ZSCAN25: variants seen among roughly 807,000 people sequenced by gnomAD.
ZSCAN25 encodes the protein zinc finger and SCAN domain-containing protein 25.
Under a neutral mutation model 38.7 loss-of-function variants are expected in ZSCAN25, and 27 were observed. The observed-to-expected ratio is 0.70, with a 90% CI of 0.51 to 0.96. The LOEUF is 0.96. ZSCAN25 is among the 40% of genes least tolerant of loss of function. The pLI is 0.00. For synonymous variants in ZSCAN25, 273 were observed against 277.7 expected, an observed-to-expected ratio of 0.98 and a Z score of 0.17; for missense variants, 637 against 705.9, an observed-to-expected ratio of 0.90 and a Z score of 1.11.
the ZSCAN25 span, among the ~76,000 whole-genome samples, chr7:99,672,335 C>T: frequency 6.6e-6 from 1 of 152,086 alleles, no homozygotes; most frequent in African/African-American, 2.4e-5. Flanking sequence ...CAGGCATGAG[C>T]CATTATGCCC....
chr7:99,626,923 C>G (rs914767668), intron 7 of ZSCAN25, among the ~76,000 whole-genome samples: 2 of 152,178 alleles, frequency 1.3e-5, no homozygotes, highest in Admixed American at 6.5e-5. Context: ...CTGCTAGGTC[C>G]CTTCTCTTCC....
At position 99,630,573 on chromosome 7, in the gene ZSCAN25, A is replaced by G. The variant is rs1807920375; in HGVS notation, c.*553A>G. On this transcript the variant is annotated 3_prime_UTR_variant, in exon 8 of 8. Coordinates refer to ENST00000394152, the MANE Select transcript of ZSCAN25 (RefSeq NM_145115.3). ...ACAGCCCATGACCCGAGGCATTCTC[A>G]GGGTATCTGTGCTGTGTGCCCGTGA... 2.0e-6 allele frequency: 2 copies of G among 987,912 alleles called. No individual in the cohort carries two copies. Among genetic ancestry groups the G allele is most frequent in the Non-Finnish European group, 2.4e-6 (2 of 831,744 alleles). 61.2% of individuals were successfully genotyped at this position (987,912 alleles called of 1,614,324 possible). A position where few individuals can be genotyped will look rare whatever the true frequency, so the allele number is the denominator to read the frequency against.
chr7:99,623,966 G>A, intron 6 of ZSCAN25, 91 bp from the exon 7 acceptor site: 3 of 1,569,948 alleles, frequency 1.9e-6, no homozygotes, highest in South Asian at 1.1e-5. Flanking sequence ...TTGGGAGGAA[G>A]CTGGTTGGGA....
At chr7:99,693,395 G>A in the ZSCAN25 span, among the ~76,000 whole-genome samples, 3 of 152,184 alleles carry the variant, frequency 2.0e-5, no homozygotes, top group African/African-American at 4.8e-5. Flanking sequence ...CTCAGAGCTC[G>A]AATACCGTGC....
chr7:99,699,467 A>C, the ZSCAN25 span, among the ~76,000 whole-genome samples: 2 of 151,744 alleles, frequency 1.3e-5, no homozygotes, highest in East Asian at 3.9e-4. Flanking sequence ...GGTGGAAGTT[A>C]GGGGAGCAGG....
the ZSCAN25 span, chr7:99,707,769 A>T: frequency 2.1e-4 from 338 of 1,612,028 alleles, no homozygotes; most frequent in Non-Finnish European, 2.8e-4. Flanking sequence ...TTCAGTTAAA[A>T]TAATTGTTAA....
the ZSCAN25 span, chr7:99,674,316 C>T: frequency 2.4e-6 from 1 of 417,640 alleles, no homozygotes; most frequent in Non-Finnish European, 4.3e-6. Flanking sequence ...TCTTGTTTAC[C>T]TCCCTGAATT....
chr7:99,731,511 T>C, the ZSCAN25 span, among the ~76,000 whole-genome samples: 1 of 152,214 alleles, frequency 6.6e-6, no homozygotes, highest in African/African-American at 2.4e-5. Flanking sequence ...GACTCTTCCC[T>C]GATTTTGGGA....
downstream of ZSCAN25, among the ~76,000 whole-genome samples, chr7:99,637,219 A>C (rs151074562): frequency 5.6e-3 from 849 of 152,304 alleles, 7 homozygotes; most frequent in African/African-American, 0.02. Flanking sequence ...TACATGCTTT[A>C]TTAATGAACA....
chr7:99,648,415 C>T, the ZSCAN25 span: 2 of 1,529,716 alleles, frequency 1.3e-6, no homozygotes, highest in Non-Finnish European at 1.8e-6. Flanking sequence ...AATAGTTAAA[C>T]AAGCATATGG....
chr7:99,726,350 A>G, the ZSCAN25 span, among the ~76,000 whole-genome samples: 2 of 152,110 alleles, frequency 1.3e-5, no homozygotes, highest in Admixed American at 6.5e-5. Context: ...TCTCCTTATA[A>G]TTCCCCCATC....
At chr7:99,685,363 A>G in the ZSCAN25 span, 2 of 1,241,802 alleles carry the variant, frequency 1.6e-6, no homozygotes, top group Non-Finnish European at 2.3e-6. Flanking sequence ...AACTATGTGG[A>G]AATTCAGGGA....
the ZSCAN25 span, among the ~76,000 whole-genome samples, chr7:99,653,097 C>T: frequency 2.0e-5 from 3 of 152,222 alleles, no homozygotes; most frequent in South Asian, 6.2e-4. This position sits in a 1 kb window ranked among gnomAD's most constrained non-coding sequence, Gnocchi z 4.2. Flanking sequence ...TGACCATTAC[C>T]ACCAAATAAA....
At chr7:99,710,308 C>T in the ZSCAN25 span, among the ~76,000 whole-genome samples, 10 of 152,288 alleles carry the variant, frequency 6.6e-5, no homozygotes, top group Admixed American at 6.5e-4. Context: ...CTGACTGAAA[C>T]ATGAGACACA....
At chr7:99,650,998 A>C in the ZSCAN25 span, among the ~76,000 whole-genome samples, 2 of 152,244 alleles carry the variant, frequency 1.3e-5, no homozygotes, top group Non-Finnish European at 2.9e-5. Context: ...GTTGATTCAA[A>C]GAAAGTAATA....
chr7:99,629,439 G>C lies in ZSCAN25; in HGVS notation c.1054G>C (p.Glu352Gln). 6.2e-7 allele frequency: 1 copy of C among 1,614,228 alleles called. No individual in the cohort carries two copies. The highest frequency in any genetic ancestry group is 1.6e-4 in the Middle Eastern group (1 of 6,062). The change falls in exon 8 of 8, where the codon GAG becomes CAG. Residue 352 changes from glutamate to glutamine, a missense_variant. Physicochemically the swap from Glu to Gln is conservative, Grantham distance 29 (BLOSUM62 2). Coordinates refer to ENST00000394152, the MANE Select transcript of ZSCAN25 (RefSeq NM_145115.3). This position sits in a 1 kb window ranked among gnomAD's most constrained non-coding sequence, Gnocchi z 5.6. Reference sequence around the variant, plus strand: ...CTTCTGGAAGCCTTTCCAGTGCCCTGAGTGTGGGAAAGGATTCAGTCGGAG... The same window carrying C: ...CTTCTGGAAGCCTTTCCAGTGCCCTCAGTGTGGGAAAGGATTCAGTCGGAG... ...SSFWKPFQCPECGKGFSRSSN... is the reference protein window; with the variant it reads ...SSFWKPFQCPQCGKGFSRSSN...
the ZSCAN25 span, among the ~76,000 whole-genome samples, chr7:99,708,521 C>A: frequency 6.6e-6 from 1 of 152,160 alleles, no homozygotes; most frequent in East Asian, 1.9e-4. Context: ...CCTTCTTTCT[C>A]CCCCACACCT....
At chr7:99,628,139 A>G (rs1481226242) in intron 7 of ZSCAN25, among the ~76,000 whole-genome samples, 6 of 152,218 alleles carry the variant, frequency 3.9e-5, no homozygotes, top group Admixed American at 3.9e-4. Context: ...CGCTGGATCC[A>G]AAAAAATAAA....
chr7:99,670,745 C>T, the ZSCAN25 span, among the ~76,000 whole-genome samples: 1 of 152,152 alleles, frequency 6.6e-6, no homozygotes, highest in Admixed American at 6.5e-5. Context: ...TTGTGAGCTA[C>T]TATTTTCAAG....
Sources: allele counts gnomAD v4.1 joint callset (sites outside exome capture counted in the v4.1 genomes callset), GRCh38; gene constraint gnomAD v4.1.1; non-coding constraint Gnocchi (gnomAD v3.1); transcripts MANE v1.5; gene names NCBI Gene and HGNC (gene_info 2026-07-23, HGNC 2026-07-21).